The following NUDT5 variants were observed in gnomAD, a reference collection of about 807,000 sequenced individuals.
The protein encoded by NUDT5 is ADP-sugar pyrophosphatase.
In NUDT5, 21 loss-of-function variants were observed where a neutral mutation model predicts 34.1. That is an observed-to-expected ratio of 0.62 (90% confidence interval 0.44 to 0.89). NUDT5 has a LOEUF of 0.89. NUDT5 is among the 40% of genes least tolerant of loss of function. The pLI is 0.00. For synonymous variants in NUDT5, 85 were observed against 97.6 expected (o/e 0.87, Z 0.76); for missense variants, 249 against 274.8 (o/e 0.91, Z 0.66).
Position 12,172,804 on chromosome 10 carries a change from C to T in NUDT5, c.448G>A (p.Gly150Arg), listed in dbSNP as rs778621959. The T allele has an allele frequency of 2.5e-6, 4 of 1,614,226 alleles. No individual in the cohort carries two copies. The highest frequency in any genetic ancestry group is 2.2e-5 in the East Asian group (1 of 44,882). The change falls in exon 7 of 10, where the codon GGA becomes AGA. Residue 150 changes from glycine (G) to arginine (R), a missense_variant. Coordinates refer to ENST00000491614, the MANE Select transcript of NUDT5 (RefSeq NM_014142.4). ...TIHIVTVTIN[G>R]DDAENARPKP... is the part of the protein sequence containing the mutation. ...GGCCTTGCGTTTTCGGCATCATCTC[C>T]GTTAATGGTGACTGTCACGATGTGT... is the stretch of plus-strand genomic sequence containing the variant.
At chr10:12,177,035 T>A (rs1834961721) in intron 5 of NUDT5, among the ~76,000 whole-genome samples, 1 of 150,746 alleles carries the variant, frequency 6.6e-6, no homozygotes, top group South Asian at 2.1e-4. Context: ...GGCAGGAGAA[T>A]CGCTTGAACC....
intron 1 of NUDT5, among the ~76,000 whole-genome samples, chr10:12,192,347 A>G (rs973731564): frequency 6.6e-6 from 1 of 151,852 alleles, no homozygotes; most frequent in African/African-American, 2.4e-5. Flanking sequence ...AGTGGGAGAG[A>G]GGATCAATTT....
rs1194812383 is a variant in NUDT5 at position 12,169,278 on chromosome 10, G to A, written c.550+1439C>T. The A allele has an allele frequency of 1.3e-6, 2 of 1,553,018 alleles. No homozygotes were observed. Among genetic ancestry groups the A allele is most frequent in the Admixed American group, 2.0e-5 (1 of 51,022 alleles). On this transcript the variant is annotated intron_variant, in intron 9 of 9. Coordinates refer to ENST00000491614, the MANE Select transcript of NUDT5 (RefSeq NM_014142.4). The surrounding 1 kb of genome is among the most constrained non-coding windows in gnomAD (Gnocchi z 4.8). ...CTAAGACCAAAAGTGAAGTTAAGAA[G>A]GTGGAAGGGAGAAGGAAGACATTTT...
At position 12,195,786 on chromosome 10, in the gene NUDT5, GAAGAACGGAA is replaced by G; in HGVS notation, c.-68_-59del. On this transcript the variant is annotated 5_prime_UTR_variant, in exon 1 of 10. Coordinates refer to ENST00000491614, the MANE Select transcript of NUDT5 (RefSeq NM_014142.4). The stretch of plus-strand genomic sequence containing the variant: ...GTTACTTACTCCAAGGTGTAGGGGT[GAAGAACGGAA>G]GAGGACGAAATAACTAGCTGGAGGC... 4.8e-6 allele frequency: 1 copy of G among 206,784 alleles called. No homozygotes were observed. Among genetic ancestry groups the G allele is most frequent in the Non-Finnish European group, 1.0e-5 (1 of 99,168 alleles). 12.8% of individuals were successfully genotyped at this position (206,784 alleles called of 1,614,324 possible).
Position 12,170,857 on chromosome 10 carries a change from ACTAAGTCATACACGCT to A in NUDT5, c.496+27_496+42del. ...AAATGTCTGCAGCCATCACCACTAC[ACTAAGTCATACACGCT>A]CGGCCACCAGGAGTTGCAGAACATA... is the stretch of plus-strand genomic sequence containing the variant. On this transcript the variant is annotated intron_variant, in intron 8 of 9. Transcript: ENST00000491614. The surrounding 1 kb of genome is among the most constrained non-coding windows in gnomAD (Gnocchi z 4.9). 6.2e-7 allele frequency: 1 copy of A among 1,613,770 alleles called. No individual in the cohort carries two copies. Among genetic ancestry groups the A allele is most frequent in the Non-Finnish European group, 8.5e-7 (1 of 1,179,696 alleles).
At chr10:12,194,610 T>A (rs1282766172) in intron 1 of NUDT5, among the ~76,000 whole-genome samples, 2 of 152,232 alleles carry the variant, frequency 1.3e-5, no homozygotes, top group Non-Finnish European at 2.9e-5. Context: ...GTAACATTTT[T>A]GAGAAAAACA....
At position 12,171,739 on chromosome 10, in the gene NUDT5, T is replaced by TTTATTTA. The variant is rs1341988710; in HGVS notation, c.488-832_488-831insTAAATAA. Among the ~76,000 whole-genome samples the TTTATTTA allele has an allele frequency of 3.6e-5, 5 of 137,290 alleles. No homozygotes were observed. Among genetic ancestry groups the TTTATTTA allele is most frequent in the Non-Finnish European group, 4.8e-5 (3 of 62,586 alleles). The allele number at this position is 137,290 out of a possible 152,430, so 90.1% of individuals were successfully genotyped here. A position where few individuals can be genotyped will look rare whatever the true frequency, so the allele number is the denominator to read the frequency against. On this transcript the variant is annotated intron_variant, in intron 7 of 9. Transcript: ENST00000491614. The surrounding 1 kb of genome is among the most constrained non-coding windows in gnomAD (Gnocchi z 4.2). ...TATTTATTTATTTATTTATTTATTT[T>TTTATTTA]TTGGAGACAGGGTCTCAGTCTGTTG...
At chr10:12,180,640 C>T (rs188937656) in intron 3 of NUDT5, among the ~76,000 whole-genome samples, 35 of 152,364 alleles carry the variant, frequency 2.3e-4, no homozygotes, top group African/African-American at 8.4e-4. Context: ...GCTCCAACAA[C>T]TTCAAAGGGC....
At chr10:12,183,187 G>T (rs1835071573) in intron 3 of NUDT5, among the ~76,000 whole-genome samples, 1 of 152,164 alleles carries the variant, frequency 6.6e-6, no homozygotes, top group Non-Finnish European at 1.5e-5. Flanking sequence ...TGAACATATG[G>T]TGCTCCCTAA....
chr10:12,168,763 AT>A lies in NUDT5; in HGVS notation c.551-953del, dbSNP rs979927469. Among the ~76,000 whole-genome samples the A allele has an allele frequency of 9.4e-5, 14 of 149,500 alleles. No individual in the cohort carries two copies. The highest frequency in any genetic ancestry group is 2.5e-4 in the African/African-American group (10 of 40,720). Reference sequence around the variant, plus strand: ...TTTGTAGCAAACTGATCTTTTTTTAATTTTTTTTTTATGTTTTTGAGATGGA... The same window carrying A: ...TTTGTAGCAAACTGATCTTTTTTTAATTTTTTTTTATGTTTTTGAGATGGA... On this transcript the variant is annotated intron_variant, in intron 9 of 9. Coordinates refer to ENST00000491614, the MANE Select transcript of NUDT5 (RefSeq NM_014142.4). The surrounding 1 kb of genome is among the most constrained non-coding windows in gnomAD (Gnocchi z 4.8).
In NUDT5 at chr10:12,167,394, C is replaced by T; in HGVS notation, c.*308G>A. 3.8e-6 allele frequency: 1 copy of T among 265,648 alleles called. No homozygotes were observed. The highest frequency in any genetic ancestry group is 7.3e-6 in the Non-Finnish European group (1 of 137,692). The allele number at this position is 265,648 out of a possible 1,614,324, so 16.5% of individuals were successfully genotyped here. The stretch of plus-strand genomic sequence containing the variant: ...CAGGTCTATTTCTCTATACAAATAC[C>T]CCTGTCTACCAGACTGGACTAGAAA... On this transcript the variant is annotated 3_prime_UTR_variant, in exon 10 of 10. Transcript: ENST00000491614.
rs750068549 is a variant in NUDT5 at position 12,168,285 on chromosome 10, A to C, written c.551-474T>G. 1.3e-5 allele frequency among the ~76,000 whole-genome samples: 2 copies of C among 152,140 alleles called. No individual in the cohort carries two copies. Among genetic ancestry groups the C allele is most frequent in the African/African-American group, 4.8e-5 (2 of 41,436 alleles). ...GTGATCCACCCGCCTCAGCCTCCCA[A>C]AGTGCTGGGATTACAGGCGTGAGCT... On this transcript the variant is annotated intron_variant, in intron 9 of 9. Coordinates refer to ENST00000491614, the MANE Select transcript of NUDT5 (RefSeq NM_014142.4). The surrounding 1 kb of genome is among the most constrained non-coding windows in gnomAD (Gnocchi z 4.8).
At chr10:12,178,707 G>T (rs1834994102) in intron 4 of NUDT5, among the ~76,000 whole-genome samples, 1 of 152,202 alleles carries the variant, frequency 6.6e-6, no homozygotes, top group African/African-American at 2.4e-5. Context: ...AAAGCAAGTG[G>T]TCCATAAGCA....
In NUDT5 at chr10:12,166,940, A is replaced by AT; in HGVS notation, c.*761dup. On this transcript the variant is annotated 3_prime_UTR_variant, in exon 10 of 10. Transcript: ENST00000491614. ...GTTCTGTTCATGGTTTAACATCAAG[A>AT]TATTACTGCCCCAAACATGTCAGTC... 1 of 266,254 alleles carries AT rather than the reference A, an allele frequency of 3.8e-6. No homozygotes were observed. The highest frequency in any genetic ancestry group is 3.7e-5 in the South Asian group (1 of 27,306). The allele number at this position is 266,254 out of a possible 1,614,324, so 16.5% of individuals were successfully genotyped here. A position where few individuals can be genotyped will look rare whatever the true frequency, so the allele number is the denominator to read the frequency against.
Position 12,173,810 on chromosome 10 carries a change from A to C in NUDT5, c.293T>G (p.Leu98Arg). The C allele has an allele frequency of 6.2e-7, 1 of 1,610,964 alleles. No homozygotes were observed. The highest frequency in any genetic ancestry group is 1.1e-5 in the South Asian group (1 of 91,006). Residue 98 changes from leucine to arginine, a missense_variant, in exon 6 of 10, where the codon CTC becomes CGC. Transcript: ENST00000491614. The surrounding 1 kb of genome is among the most constrained non-coding windows in gnomAD (Gnocchi z 4.7). The part of the protein sequence containing the change: ...GGYCIEFPAG[L>R]IDDGETPEAA... ...TTCTGGGGTTTCACCATCATCTATGAGACCTGCAAGTCCAAATCATTGGTG... is the reference window on the plus strand; with the variant it reads ...TTCTGGGGTTTCACCATCATCTATGCGACCTGCAAGTCCAAATCATTGGTG...
chr10:12,176,095 G>A (rs996476554), intron 5 of NUDT5, among the ~76,000 whole-genome samples: 4 of 151,874 alleles, frequency 2.6e-5, no homozygotes, highest in Admixed American at 1.3e-4. Flanking sequence ...TACTCAGGAG[G>A]CTGAGGCAGG....
rs989857028 is a variant in NUDT5, at chr10:12,175,117, C to T, written c.290-1304G>A. On this transcript the variant is annotated intron_variant, in intron 5 of 9. Coordinates refer to ENST00000491614, the MANE Select transcript of NUDT5 (RefSeq NM_014142.4). The surrounding 1 kb of genome is among the most constrained non-coding windows in gnomAD (Gnocchi z 4.8). ...GGCAGATCACCTGAGGTCAGGGGTT[C>T]GAGACCAGCCTGGCCAACATGGTGA... Among the ~76,000 whole-genome samples the T allele has an allele frequency of 6.6e-6, 1 of 151,502 alleles. No individual in the cohort carries two copies. Among genetic ancestry groups the T allele is most frequent in the African/African-American group, 2.4e-5 (1 of 41,220 alleles).
Position 12,181,804 on chromosome 10 carries a change from C to G in NUDT5, c.132-2672G>C, listed in dbSNP as rs1302685304. ...GACCAGCCTGGGCAACATAGTGAGA[C>G]TCTGTCTCTACTAAAAAAATAAAAA... On this transcript the variant is annotated intron_variant, in intron 3 of 9. Transcript: ENST00000491614. This position sits in a 1 kb window ranked among gnomAD's most constrained non-coding sequence, Gnocchi z 5.0. Among the ~76,000 whole-genome samples, 1 of 151,812 alleles carries G rather than the reference C, an allele frequency of 6.6e-6. No individual in the cohort carries two copies. Among genetic ancestry groups the G allele is most frequent in the Admixed American group, 6.6e-5 (1 of 15,228 alleles).
At chr10:12,185,876 A>C (rs541308866) in intron 2 of NUDT5, among the ~76,000 whole-genome samples, 12 of 152,322 alleles carry the variant, frequency 7.9e-5, no homozygotes, top group Non-Finnish European at 1.5e-4. Context: ...TATTGTTCTT[A>C]AACACTCATG....
Sources: allele counts gnomAD v4.1 joint callset (sites outside exome capture counted in the v4.1 genomes callset), GRCh38; gene constraint gnomAD v4.1.1; non-coding constraint Gnocchi (gnomAD v3.1); transcripts MANE v1.5; gene names NCBI Gene and HGNC (gene_info 2026-07-23, HGNC 2026-07-21).